PRR16: variants seen among roughly 807,000 people sequenced by gnomAD.
The protein encoded by PRR16 is proline rich 16.
Under a neutral mutation model 18.2 loss-of-function variants are expected in PRR16, and 6 were observed. That is an observed-to-expected ratio of 0.33 (90% CI 0.18 to 0.65). PRR16 has a LOEUF of 0.65. Among genes scored for constraint, PRR16 ranks in the 30% least tolerant of loss-of-function variants. The pLI is 0.74. For synonymous variants in PRR16, 151 were observed against 147.8 expected, an observed-to-expected ratio of 1.02 and a Z score of -0.16; for missense variants, 412 against 376.6, an observed-to-expected ratio of 1.09 and a Z score of -0.78.
chr5:120,775,873 C>G, the PRR16 span, among the ~76,000 whole-genome samples: 1 of 142,450 alleles, frequency 7.0e-6, no homozygotes, highest in African/African-American at 2.7e-5. Context: ...GTCTCGAACT[C>G]TTGACCTCAG....
the PRR16 span, among the ~76,000 whole-genome samples, chr5:120,764,010 G>T: frequency 2.0e-5 from 3 of 152,158 alleles, no homozygotes; most frequent in African/African-American, 7.2e-5. Flanking sequence ...TGTAAAGAGG[G>T]TCAGTTTGGC....
chr5:120,731,423 C>T, the PRR16 span, among the ~76,000 whole-genome samples: 1 of 152,210 alleles, frequency 6.6e-6, no homozygotes, highest in South Asian at 2.1e-4. Context: ...TGTACCACCT[C>T]ATAGAAACCA....
At chr5:120,645,110 T>C (rs1313993184) in intron 1 of PRR16, among the ~76,000 whole-genome samples, 2 of 152,146 alleles carry the variant, frequency 1.3e-5, no homozygotes, top group Admixed American at 1.3e-4. Flanking sequence ...ATGCAGATTA[T>C]TTGGCTCCAT....
At chr5:120,539,599 C>A (rs971572091) in intron 1 of PRR16, among the ~76,000 whole-genome samples, 1 of 151,678 alleles carries the variant, frequency 6.6e-6, no homozygotes, top group African/African-American at 2.4e-5. Context: ...ATCTGCATAC[C>A]AAACCCCTGA....
the PRR16 span, among the ~76,000 whole-genome samples, chr5:120,794,233 GA>G: frequency 6.6e-6 from 1 of 152,044 alleles, no homozygotes. Flanking sequence ...TAAACTATAA[GA>G]AAAAGAGGCT....
At chr5:120,545,060 C>G (rs1387507099) in intron 1 of PRR16, among the ~76,000 whole-genome samples, 2 of 152,004 alleles carry the variant, frequency 1.3e-5, no homozygotes, top group East Asian at 1.9e-4. Flanking sequence ...AGTAGTGTCT[C>G]CAAGAAGACA....
At chr5:120,756,001 T>G in the PRR16 span, among the ~76,000 whole-genome samples, 3 of 152,124 alleles carry the variant, frequency 2.0e-5, no homozygotes, top group Non-Finnish European at 4.4e-5. Context: ...ACACCCTATG[T>G]AAATGAAGGA....
chr5:120,736,808 C>T, the PRR16 span, among the ~76,000 whole-genome samples: 2 of 151,994 alleles, frequency 1.3e-5, no homozygotes, highest in African/African-American at 2.4e-5. Context: ...TCTTTTGTCT[C>T]ATTAGTTCAG....
the PRR16 span, among the ~76,000 whole-genome samples, chr5:120,704,094 A>C: frequency 6.6e-6 from 1 of 152,236 alleles, no homozygotes; most frequent in African/African-American, 2.4e-5. Context: ...ATAAGAAAGA[A>C]GCTTTCTCTT....
downstream of PRR16, among the ~76,000 whole-genome samples, chr5:120,687,845 T>C (rs1757165750): frequency 6.6e-6 from 1 of 152,194 alleles, no homozygotes; most frequent in African/African-American, 2.4e-5. Context: ...ATCTACCAAC[T>C]TAACAAACTT....
chr5:120,499,145 T>C (rs1750360619), intron 1 of PRR16, among the ~76,000 whole-genome samples: 1 of 151,720 alleles, frequency 6.6e-6, no homozygotes, highest in Non-Finnish European at 1.5e-5. Flanking sequence ...GTTCCGCTCT[T>C]GTTGCCCAGG....
chr5:120,749,833 A>G, the PRR16 span, among the ~76,000 whole-genome samples: 2 of 152,138 alleles, frequency 1.3e-5, no homozygotes, highest in Non-Finnish European at 2.9e-5. Flanking sequence ...TGAATGGTAC[A>G]AAAGAACCAA....
At chr5:120,743,215 G>A in the PRR16 span, among the ~76,000 whole-genome samples, 2 of 151,672 alleles carry the variant, frequency 1.3e-5, no homozygotes, top group African/African-American at 4.8e-5. Flanking sequence ...CTATTTTCGG[G>A]CATTCACCTC....
At chr5:120,572,288 CATAGT>C (rs1447712468) in intron 1 of PRR16, among the ~76,000 whole-genome samples, 5 of 152,014 alleles carry the variant, frequency 3.3e-5, no homozygotes, top group African/African-American at 1.2e-4. Context: ...TGTAACTGGC[CATAGT>C]ACAAGGTTGT....
chr5:120,669,421 A>G (rs2150145086), intron 1 of PRR16, among the ~76,000 whole-genome samples: 1 of 152,174 alleles, frequency 6.6e-6, no homozygotes, highest in South Asian at 2.1e-4. Flanking sequence ...TGTTTTTTAA[A>G]AAAATCCTTA....
chr5:120,755,112 G>A, the PRR16 span, among the ~76,000 whole-genome samples: 92 of 151,550 alleles, frequency 6.1e-4, no homozygotes, highest in African/African-American at 2.1e-3. Context: ...AATGGGTGCA[G>A]CACACCAACA....
intron 1 of PRR16, among the ~76,000 whole-genome samples, chr5:120,598,437 C>G (rs917515243): frequency 6.6e-6 from 1 of 151,202 alleles, no homozygotes; most frequent in Non-Finnish European, 1.5e-5. Context: ...TCTTTTTCAA[C>G]TTTTATTTTT....
At chr5:120,489,803 T>A (rs1749958664) in intron 1 of PRR16, among the ~76,000 whole-genome samples, 2 of 152,188 alleles carry the variant, frequency 1.3e-5, no homozygotes, top group South Asian at 4.1e-4. Flanking sequence ...GTTGTTCCTT[T>A]CCATGTTTAG....
chr5:120,624,954 C>T (rs969285178), intron 1 of PRR16, among the ~76,000 whole-genome samples: 1 of 152,096 alleles, frequency 6.6e-6, no homozygotes, highest in African/African-American at 2.4e-5. Context: ...CCCTTGTCTG[C>T]CACCATGTGA....
Sources: allele counts gnomAD v4.1 joint callset (sites outside exome capture counted in the v4.1 genomes callset), GRCh38; gene constraint gnomAD v4.1.1; transcripts MANE v1.5; gene names NCBI Gene and HGNC (gene_info 2026-07-23, HGNC 2026-07-21).